ATL2: variants seen among roughly 807,000 people sequenced by gnomAD.
ATL2 encodes atlastin-2.
Under a neutral mutation model 73.9 loss-of-function variants are expected in ATL2, and 31 were observed. That is an observed-to-expected ratio of 0.42 (90% CI 0.32 to 0.57). The LOEUF is 0.57. Ranked by LOEUF, ATL2 falls within the 20% of genes least tolerant of loss-of-function variation. The pLI is 0.14. For synonymous variants in ATL2, 291 were observed against 237.5 expected (o/e 1.23, Z -2.07); for missense variants, 738 against 702.6 (o/e 1.05, Z -0.57).
chr2:38,376,506 C>T (rs1290427339), intron 1 of ATL2: 1 of 191,744 alleles, frequency 5.2e-6, no homozygotes, highest in East Asian at 1.3e-4. Flanking sequence ...ACGCACAACC[C>T]GCGCGAATGG....
At chr2:38,353,256 A>G (rs1670462926) in intron 1 of ATL2, among the ~76,000 whole-genome samples, 1 of 152,034 alleles carries the variant, frequency 6.6e-6, no homozygotes. Flanking sequence ...AAAAAACTAT[A>G]GAAACTATTA....
chr2:38,336,762 C>A (rs1163023618), intron 2 of ATL2, among the ~76,000 whole-genome samples: 2 of 152,162 alleles, frequency 1.3e-5, no homozygotes, highest in Admixed American at 6.5e-5. Flanking sequence ...ATTATCACTG[C>A]ACAGGGTTAT....
intron 9 of ATL2, among the ~76,000 whole-genome samples, chr2:38,301,655 C>T (rs1035383912): frequency 1.3e-5 from 2 of 152,228 alleles, no homozygotes; most frequent in African/African-American, 4.8e-5. Context: ...TCAGCCAGCA[C>T]CCATGGAGGA....
intron 1 of ATL2, among the ~76,000 whole-genome samples, chr2:38,371,571 T>G (rs1036238391): frequency 4.0e-5 from 6 of 150,494 alleles, no homozygotes; most frequent in Admixed American, 3.3e-4. Context: ...TATTAACCAC[T>G]GGGAAGGAAA....
intron 2 of ATL2, among the ~76,000 whole-genome samples, chr2:38,330,138 G>C (rs1425261319): frequency 1.2e-5 from 1 of 81,086 alleles, no homozygotes; most frequent in Non-Finnish European, 2.4e-5. Context: ...AAAAAGAAAA[G>C]AAAGAAAAAA....
At chr2:38,359,356 G>C (rs2124463054) in intron 1 of ATL2, among the ~76,000 whole-genome samples, 1 of 151,996 alleles carries the variant, frequency 6.6e-6, no homozygotes, top group South Asian at 2.1e-4. Flanking sequence ...TGTAATCCCA[G>C]CTATTTGGGA....
chr2:38,299,464 T>C (rs1222838160), intron 10 of ATL2, 137 bp from the exon 11 acceptor site: 3 of 873,218 alleles, frequency 3.4e-6, no homozygotes, highest in Non-Finnish European at 4.8e-6. Flanking sequence ...TTCTTTCCTA[T>C]GCAAGGGAAC....
intron 1 of ATL2, among the ~76,000 whole-genome samples, chr2:38,369,130 T>C (rs1173436357): frequency 6.6e-6 from 1 of 152,162 alleles, no homozygotes; most frequent in Non-Finnish European, 1.5e-5. Context: ...AAAACCTTTC[T>C]GAATGGATCT....
At chr2:38,358,571 AG>A (rs1165318013) in intron 1 of ATL2, 2 of 328,398 alleles carry the variant, frequency 6.1e-6, no homozygotes, top group African/African-American at 2.2e-5. Context: ...AGGCGCCTGT[AG>A]TCCCAGATAC....
At chr2:38,327,398 A>G (rs1338907086) in intron 2 of ATL2, among the ~76,000 whole-genome samples, 4 of 152,134 alleles carry the variant, frequency 2.6e-5, no homozygotes, top group Non-Finnish European at 5.9e-5. Flanking sequence ...TTAGTTGTAA[A>G]TGTACATTGC....
At position 38,294,175 on chromosome 2, in the gene ATL2, T is replaced by C. The variant is rs1419283511; in HGVS notation, c.*1819A>G. The stretch of plus-strand genomic sequence containing the variant: ...TATAAAAACAGAATCTGAATGGGAG[T>C]GGGAGCGAAGATGTATCAACCAAAG... On this transcript the variant is annotated 3_prime_UTR_variant, in exon 13 of 13. Transcript: ENST00000378954. Among the ~76,000 whole-genome samples the C allele has an allele frequency of 1.3e-5, 2 of 151,756 alleles. No individual in the cohort carries two copies. The highest frequency in any genetic ancestry group is 4.8e-5 in the African/African-American group (2 of 41,260).
At chr2:38,376,130 T>C (rs969912503) in intron 1 of ATL2, 89 of 1,525,562 alleles carry the variant, frequency 5.8e-5, no homozygotes, top group Non-Finnish European at 7.2e-5. Flanking sequence ...TCGTAGGCTT[T>C]TACTATTTAT....
At chr2:38,373,018 T>C (rs1042917377) in intron 1 of ATL2, among the ~76,000 whole-genome samples, 5 of 144,994 alleles carry the variant, frequency 3.4e-5, no homozygotes, top group Admixed American at 6.6e-5. Context: ...CTTACATATA[T>C]GTTACTGTGC....
intron 7 of ATL2, among the ~76,000 whole-genome samples, chr2:38,312,408 C>T (rs1667803927): frequency 6.6e-6 from 1 of 152,130 alleles, no homozygotes; most frequent in Non-Finnish European, 1.5e-5. Context: ...CTCCTGCCAT[C>T]TTGTGAAGAA....
rs1427160572 is a variant in ATL2, at chr2:38,299,327, C to T, written c.1129G>A (p.Ala377Thr). The T allele has an allele frequency of 9.9e-6, 15 of 1,511,078 alleles. No individual in the cohort carries two copies. Among genetic ancestry groups the T allele is most frequent in the Non-Finnish European group, 1.2e-5 (14 of 1,142,848 alleles). The allele number at this position is 1,511,078 out of a possible 1,614,324, so 93.6% of individuals were successfully genotyped here. Residue 377 changes from alanine to threonine, a missense_variant and splice_region_variant, in exon 11 of 13, where the codon GCA becomes ACA. Physicochemically the swap from Ala to Thr is moderately conservative, Grantham distance 58. Coordinates refer to ENST00000378954, the MANE Select transcript of ATL2 (RefSeq NM_001135673.4). ...ELPHPKSMLQ[A>T]TAEANNLAAV... ...GCAAGATTATTAGCTTCAGCTGTTGCCTAAAAAATAAAATATGCCATTATT... is the reference window on the plus strand; with the variant it reads ...GCAAGATTATTAGCTTCAGCTGTTGTCTAAAAAATAAAATATGCCATTATT...
intron 9 of ATL2, among the ~76,000 whole-genome samples, chr2:38,302,473 A>G (rs1472187120): frequency 2.6e-5 from 4 of 152,048 alleles, no homozygotes; most frequent in Non-Finnish European, 5.9e-5. Flanking sequence ...ACCACAGGCA[A>G]TAACCACACA....
chr2:38,362,296 C>T (rs1671058083), intron 1 of ATL2, among the ~76,000 whole-genome samples: 1 of 152,178 alleles, frequency 6.6e-6, no homozygotes, highest in African/African-American at 2.4e-5. Context: ...ATACACATAA[C>T]CCTTCCTTAC....
chr2:38,303,737 C>T (rs1667302433), intron 9 of ATL2, among the ~76,000 whole-genome samples: 1 of 152,058 alleles, frequency 6.6e-6, no homozygotes, highest in Non-Finnish European at 1.5e-5. Context: ...ACCTAGATAC[C>T]AATATTTAAG....
chr2:38,370,448 CAAAAAAAAAAAAAAAAAAA>C (rs55964015), intron 1 of ATL2, among the ~76,000 whole-genome samples: 20 of 55,212 alleles, frequency 3.6e-4, no homozygotes, highest in East Asian at 9.8e-4. Context: ...GACTCTGTCC[CAAAAAAAAAAAAAAAAAAA>C]AAAAAAAAAA....
Sources: gnomAD v4.1 joint callset for allele counts (sites outside exome capture counted in the v4.1 genomes callset) on GRCh38, gnomAD v4.1.1 for gene constraint, MANE v1.5 for transcripts, NCBI Gene and HGNC (gene_info 2026-07-23, HGNC 2026-07-21) for gene names.